The following FAH variants were observed in gnomAD, a reference collection of about 807,000 sequenced individuals.
The protein encoded by FAH is fumarylacetoacetate hydrolase, also known as fumarylacetoacetase.
A neutral mutation model predicts 55.8 loss-of-function variants in FAH; 47 were observed. The ratio of observed to expected loss-of-function variants is 0.84; its 90% CI spans 0.67 to 1.07. The LOEUF (loss-of-function observed/expected upper bound fraction) is 1.07. FAH is among the 50% of genes least tolerant of loss of function. FAH has a pLI of 0.00. For missense variants in FAH, 495 were observed against 545.9 expected, an observed-to-expected ratio of 0.91 and a Z score of 0.93; for synonymous variants, 199 against 207.7, an observed-to-expected ratio of 0.96 and a Z score of 0.36.
At chr15:80,183,588 C>T (rs1277021907) in intron 13 of FAH, among the ~76,000 whole-genome samples, 2 of 152,224 alleles carry the variant, frequency 1.3e-5, no homozygotes, top group East Asian at 1.9e-4. Flanking sequence ...CTTCTCTGCA[C>T]CTGCTCAGAT....
chr15:80,175,205 G>A (rs1221575314), intron 10 of FAH, 114 bp downstream of exon 10: 1 of 924,254 alleles, frequency 1.1e-6, no homozygotes, highest in East Asian at 2.4e-5. Flanking sequence ...CTACAGCCCT[G>A]GAGATGTGTG....
In FAH at chr15:80,172,203, G is replaced by C; in HGVS notation, c.661G>C (p.Ala221Pro). 2 of 1,614,110 alleles carry C rather than the reference G, an allele frequency of 1.2e-6. No individual in the cohort carries two copies. The highest frequency in any genetic ancestry group is 1.7e-6 in the Non-Finnish European group (2 of 1,180,014). Residue 221 changes from alanine to proline, a missense_variant, in exon 8 of 14, where the codon GCC (alanine) becomes CCC (proline). Ala to Pro is a conservative substitution (Grantham distance 27). Transcript: ENST00000561421. ...RLGEPIPISK[A>P]HEHIFGMVLM... Reference sequence around the variant, plus strand: ...GGGAGAGCCGATCCCCATTTCCAAGGCCCATGAGCACATTTTTGGAATGGT... The same window carrying C: ...GGGAGAGCCGATCCCCATTTCCAAGCCCCATGAGCACATTTTTGGAATGGT...
Position 80,186,223 on chromosome 15 carries a change from C to T in FAH, c.*14C>T, listed in dbSNP as rs3189271. On this transcript the variant is annotated 3_prime_UTR_variant, in exon 14 of 14. Coordinates refer to ENST00000561421, the MANE Select transcript of FAH (RefSeq NM_000137.4). The stretch of plus-strand genomic sequence containing the variant: ...CTGCCATCATGAGATTTTCTCTGCT[C>T]TTCTGGAAACAAAGGGCTCAAGCAC... 1 of 1,609,842 alleles carries T rather than the reference C, an allele frequency of 6.2e-7. No individual in the cohort carries two copies. Among genetic ancestry groups the T allele is most frequent in the South Asian group, 1.1e-5 (1 of 90,960 alleles).
intron 9 of FAH, among the ~76,000 whole-genome samples, chr15:80,173,919 C>T (rs529777208): frequency 7.0e-4 from 107 of 152,294 alleles, no homozygotes; most frequent in African/African-American, 2.3e-3. Flanking sequence ...AGCATCTCAC[C>T]ACGCATTTGC....
Position 80,185,462 on chromosome 15 carries a change from C to T in FAH, c.1181-668C>T, listed in dbSNP as rs112619641. On this transcript the variant is annotated intron_variant, in intron 13 of 13. Coordinates refer to ENST00000561421, the MANE Select transcript of FAH (RefSeq NM_000137.4). ...TCTGGCTTCAGGCTAATTGGCAGAG[C>T]GAGGATTTGAACCCAAACCCATGTG... Among the ~76,000 whole-genome samples, 724 of 152,278 alleles carry T rather than the reference C, an allele frequency of 4.8e-3. 11 individuals carry two copies. The highest frequency in any genetic ancestry group is 0.014 in the South Asian group (69 of 4,830).
At chr15:80,182,160 C>A (rs747959917) in intron 13 of FAH, among the ~76,000 whole-genome samples, 2 of 152,168 alleles carry the variant, frequency 1.3e-5, no homozygotes, top group East Asian at 1.9e-4. Context: ...TCTGCCTCCA[C>A]GGTCACATTG....
chr15:80,170,233 G>C (rs1313698422), intron 7 of FAH, among the ~76,000 whole-genome samples: 3 of 152,252 alleles, frequency 2.0e-5, no homozygotes, highest in Non-Finnish European at 4.4e-5. Context: ...GCAGATGGAG[G>C]GGGCTTTCCC....
At chr15:80,155,093 A>G (rs530111123) in intron 1 of FAH, among the ~76,000 whole-genome samples, 1 of 152,116 alleles carries the variant, frequency 6.6e-6, no homozygotes, top group East Asian at 1.9e-4. Flanking sequence ...TGCTCTCTAT[A>G]TGCTTGGCCC....
At position 80,185,840 on chromosome 15, in the gene FAH, G is replaced by T. The variant is rs560102713; in HGVS notation, c.1181-290G>T. On this transcript the variant is annotated intron_variant, in intron 13 of 13. Transcript: ENST00000561421. ...GCTATAATTCAAAATGAGGTTTGGC[G>T]GGGGACAGAGCCAAACCATATTAGC... 4.6e-5 allele frequency among the ~76,000 whole-genome samples: 7 copies of T among 152,268 alleles called. No individual in the cohort carries two copies. In the East Asian group the frequency reaches 1.2e-3, roughly 25 times the overall value.
chr15:80,159,932 G>T (rs115097266), intron 3 of FAH, 55 bp downstream of exon 3: 12 of 1,591,708 alleles, frequency 7.5e-6, no homozygotes, highest in Non-Finnish European at 1.0e-5. Context: ...GGAGGTGAAG[G>T]CTGTGTGGTT....
In FAH at chr15:80,153,171, GGGAGTGGAGT is replaced by G. The variant is rs57837512; in HGVS notation, c.81+70_81+79del. 4.7e-4 allele frequency: 581 copies of G among 1,248,988 alleles called. 1 individual carries two copies. The highest frequency in any genetic ancestry group is 1.0e-3 in the Admixed American group (56 of 55,570). The allele number at this position is 1,248,988 out of a possible 1,614,324, so 77.4% of individuals were successfully genotyped here. ...GGGCTTTGGCGTCCGGGCGCGGGGA[GGGAGTGGAGT>G]GGAGTGGAGTGGAGTGGAGTGGAGT... is the stretch of plus-strand genomic sequence containing the variant. On this transcript the variant is annotated intron_variant, in intron 1 of 13. Coordinates refer to ENST00000561421, the MANE Select transcript of FAH (RefSeq NM_000137.4).
chr15:80,163,249 G>T (rs1007442190), intron 5 of FAH: 1 of 152,422 alleles, frequency 6.6e-6, no homozygotes, highest in South Asian at 2.1e-4. Context: ...CAGGCTCCAG[G>T]TTCCAGGCTT....
At position 80,186,153 on chromosome 15, in the gene FAH, C is replaced by T. The variant is rs780378868; in HGVS notation, c.1204C>T (p.Arg402Cys). ...AGGGTACTGCCAGGGGGATGGTTACCGCATCGGCTTTGGCCAGTGTGCTGG... is the reference window on the plus strand; with the variant it reads ...AGGGTACTGCCAGGGGGATGGTTACTGCATCGGCTTTGGCCAGTGTGCTGG... ...ITGYCQGDGY[R>C]IGFGQCAGKV... is the part of the protein sequence containing the mutation. The change falls in exon 14 of 14, where the codon CGC becomes TGC. Residue 402 changes from arginine (R) to cysteine (C), a missense_variant. Coordinates refer to ENST00000561421, the MANE Select transcript of FAH (RefSeq NM_000137.4). 41 of 1,614,100 alleles carry T rather than the reference C, an allele frequency of 2.5e-5. No individual in the cohort carries two copies. Among genetic ancestry groups the T allele is most frequent in the Middle Eastern group, 1.6e-4 (1 of 6,062 alleles).
Position 80,158,047 on chromosome 15 carries a change from G to A in FAH, c.82-13G>A, listed in dbSNP as rs1370275. On this transcript the variant is annotated splice_polypyrimidine_tract_variant and intron_variant, in intron 1 of 13. Transcript: ENST00000561421. The stretch of plus-strand genomic sequence containing the variant: ...GGCTTTTTCTGGTGCTGACGGTGTC[G>A]TCTTCCTCCTAGCCAAGACCGAGGA... 0.51 allele frequency: 821,646 copies of A among 1,604,670 alleles called. 215,209 individuals are homozygous for A. The highest frequency in any genetic ancestry group is 0.77 in the East Asian group (34,383 of 44,800).
intron 7 of FAH, among the ~76,000 whole-genome samples, chr15:80,171,776 A>G (rs1201213676): frequency 3.9e-5 from 6 of 152,202 alleles, no homozygotes. Context: ...TTTTCATGAC[A>G]TGAATACAAA....
chr15:80,153,264 A>C (rs896748881), intron 1 of FAH, 129 bp downstream of exon 1: 23 of 785,232 alleles, frequency 2.9e-5, no homozygotes, highest in Non-Finnish European at 4.5e-5. Flanking sequence ...TTTTCTCTTA[A>C]GATTCGTTCC....
At chr15:80,164,413 C>G (rs1015255213) in intron 5 of FAH, among the ~76,000 whole-genome samples, 2 of 152,176 alleles carry the variant, frequency 1.3e-5, no homozygotes, top group Non-Finnish European at 1.5e-5. Context: ...GACAGTATCC[C>G]TATCTCAAGA....
chr15:80,156,481 TC>T (rs1360078340), intron 1 of FAH: 2 of 152,138 alleles, frequency 1.3e-5, no homozygotes, highest in Admixed American at 6.5e-5. Context: ...ATCCCATGCT[TC>T]CCCCTCTATG....
chr15:80,168,000 GACAACATATA>G, intron 5 of FAH, 42 bp from the exon 6 acceptor site: 1 of 1,449,020 alleles, frequency 6.9e-7, no homozygotes, highest in Non-Finnish European at 9.7e-7. Flanking sequence ...AAAGTTAATT[GACAACATATA>G]ACAGCTCTGA....
Sources: allele counts gnomAD v4.1 joint callset (sites outside exome capture counted in the v4.1 genomes callset), GRCh38; gene constraint gnomAD v4.1.1; transcripts MANE v1.5; gene names NCBI Gene and HGNC (gene_info 2026-07-23, HGNC 2026-07-21).